Variants in HTR2C observed in about 807,000 individuals in gnomAD.
HTR2C encodes the protein 5-hydroxytryptamine receptor 2C.
In HTR2C, 5 loss-of-function variants were observed where a neutral mutation model predicts 21.0. The observed-to-expected ratio is 0.24, with a 90% CI of 0.12 to 0.50. The LOEUF is 0.50. Ranked by LOEUF, HTR2C falls within the 20% of genes least tolerant of loss-of-function variation. HTR2C has a pLI of 0.98. For missense variants in HTR2C, 271 were observed against 371.2 expected (o/e 0.73, Z 2.22); for synonymous variants, 150 against 145.3 (o/e 1.03, Z -0.23).
chrX:114,766,118 G>T (rs2069945520), intron 4 of HTR2C, among the ~76,000 whole-genome samples: 1 of 111,640 alleles, frequency 9.0e-6, no homozygotes, highest in Non-Finnish European at 1.9e-5. Flanking sequence ...AAGAATTTGT[G>T]CCTGGAATAA....
rs73638449 is a variant in HTR2C, at chrX:114,631,814, C to T, written c.-80+17933C>T. Among the ~76,000 whole-genome samples the T allele has an allele frequency of 2.7e-5, 3 of 110,655 alleles. No homozygotes were observed. In the East Asian group the frequency reaches 8.6e-4, roughly 32 times the overall value. ...GCTCATTCCTGGCCCCCTTTTTGTC[C>T]ATCATGACACCTTCAAATACTCAAG... On this transcript the variant is annotated intron_variant, in intron 2 of 5. Transcript: ENST00000276198.
Position 114,681,124 on chromosome X carries a change from G to T in HTR2C, c.-79-45734G>T, listed in dbSNP as rs192452589. Among the ~76,000 whole-genome samples the T allele has an allele frequency of 3.2e-4, 36 of 111,209 alleles. No homozygotes were observed. The East Asian group carries it at 6.6e-3, about 20-fold the overall frequency. On this transcript the variant is annotated intron_variant, in intron 2 of 5. Transcript: ENST00000276198. ...GATTACCAGCCTTATGCTTCATCCGGAATCTTATTTCAATATTTAATACAT... is the reference window on the plus strand; with the variant it reads ...GATTACCAGCCTTATGCTTCATCCGTAATCTTATTTCAATATTTAATACAT...
At chrX:114,893,781 A>G (rs1382665396) in intron 5 of HTR2C, among the ~76,000 whole-genome samples, 7 of 112,234 alleles carry the variant, frequency 6.2e-5, no homozygotes, top group Non-Finnish European at 1.3e-4. Context: ...CTCAGAGAAA[A>G]TATAGGCAAG....
chrX:114,810,303 T>G (rs947890007), intron 4 of HTR2C, among the ~76,000 whole-genome samples: 1 of 111,473 alleles, frequency 9.0e-6, no homozygotes, highest in African/African-American at 3.3e-5. Flanking sequence ...CTAGGTCTCA[T>G]GCACCCCAAG....
chrX:114,726,166 G>T (rs1933462244), intron 2 of HTR2C, among the ~76,000 whole-genome samples: 1 of 112,403 alleles, frequency 8.9e-6, no homozygotes, highest in Non-Finnish European at 1.9e-5. Context: ...CAATCAGTGA[G>T]ACTCCGTGGG....
At chrX:114,724,421 G>C (rs782209848) in intron 2 of HTR2C, among the ~76,000 whole-genome samples, 2 of 102,695 alleles carry the variant, frequency 1.9e-5, no homozygotes, top group South Asian at 1.0e-3. Flanking sequence ...CTGCACGTGA[G>C]ATGGGTTTCC....
intron 4 of HTR2C, among the ~76,000 whole-genome samples, chrX:114,806,779 C>CCATATATAT (rs1569495971): frequency 5.8e-5 from 5 of 86,719 alleles, no homozygotes; most frequent in Admixed American, 1.3e-4. Context: ...CATATATATA[C>CCATATATAT]ACACCATATA....
At chrX:114,807,135 A>ATG (rs1556450590) in intron 4 of HTR2C, among the ~76,000 whole-genome samples, 868 of 12,024 alleles carry the variant, frequency 0.072, 376 homozygotes, top group Admixed American at 0.16. Flanking sequence ...TATACACCAT[A>ATG]TATATACCAT....
Position 114,907,869 on chromosome X carries a change from AC to A in HTR2C, c.*455del. ...TGGGTTAACAGTAAATATACACTTT[AC>A]ATTCTTGCTCTGCTCATCTACACAT... On this transcript the variant is annotated 3_prime_UTR_variant, in exon 6 of 6. Coordinates refer to ENST00000276198, the MANE Select transcript of HTR2C (RefSeq NM_000868.4). The A allele has an allele frequency of 5.8e-4, 71 of 121,851 alleles. No homozygotes were observed. Among genetic ancestry groups the A allele is most frequent in the South Asian group, 2.4e-3 (8 of 3,371 alleles). The allele number at this position is 121,851 out of a possible 1,213,427, so 10.0% of individuals were successfully genotyped here.
chrX:114,769,051 AT>A (rs1240708206), intron 4 of HTR2C, among the ~76,000 whole-genome samples: 21 of 111,175 alleles, frequency 1.9e-4, no homozygotes, highest in African/African-American at 6.5e-4. Flanking sequence ...AAAGCAGTTA[AT>A]TTAACAGTAC....
intron 2 of HTR2C, among the ~76,000 whole-genome samples, chrX:114,722,947 G>A (rs1327089610): frequency 6.3e-5 from 7 of 110,898 alleles, no homozygotes; most frequent in East Asian, 2.9e-4. Context: ...TTGCATCAAT[G>A]TTCATCAAGG....
chrX:114,821,507 T>C (rs1329052841), intron 4 of HTR2C, among the ~76,000 whole-genome samples: 1 of 111,680 alleles, frequency 9.0e-6, no homozygotes, highest in African/African-American at 3.3e-5. Flanking sequence ...TGGCTTAAAA[T>C]ATATTGTAGA....
intron 2 of HTR2C, among the ~76,000 whole-genome samples, chrX:114,616,631 C>A (rs1317646008): frequency 8.9e-6 from 1 of 111,831 alleles, no homozygotes; most frequent in Non-Finnish European, 1.9e-5. Flanking sequence ...AAATTTGTCT[C>A]CACTATCATT....
chrX:114,752,527 G>A (rs782000336), intron 4 of HTR2C, among the ~76,000 whole-genome samples: 3 of 111,238 alleles, frequency 2.7e-5, no homozygotes, highest in Admixed American at 9.6e-5. Flanking sequence ...TAATTGATTA[G>A]TGCAATTCAC....
intron 4 of HTR2C, among the ~76,000 whole-genome samples, chrX:114,761,873 C>CTA (rs1168476168): frequency 1.3e-4 from 2 of 15,666 alleles, no homozygotes; most frequent in African/African-American, 2.5e-4. Context: ...CTCTCTCTCT[C>CTA]TATATATATA....
intron 5 of HTR2C, among the ~76,000 whole-genome samples, chrX:114,896,597 T>C (rs782230054): frequency 1.8e-5 from 2 of 112,410 alleles, no homozygotes; most frequent in East Asian, 5.6e-4. Flanking sequence ...GAATACCCAC[T>C]TTCATCTCTG....
At chrX:114,726,376 G>A (rs781807636) in intron 2 of HTR2C, among the ~76,000 whole-genome samples, 8 of 112,007 alleles carry the variant, frequency 7.1e-5, no homozygotes, top group African/African-American at 1.3e-4. Flanking sequence ...GCTTCGGCTC[G>A]CGCACGGTGC....
intron 1 of HTR2C, among the ~76,000 whole-genome samples, chrX:114,610,389 A>T (rs1409755605): frequency 2.7e-5 from 3 of 112,153 alleles, no homozygotes; most frequent in Non-Finnish European, 5.6e-5. Context: ...CATCATTTTG[A>T]ATTGAAGCTA....
rs782589800 is a variant in HTR2C, at chrX:114,808,056, A to C, written c.350-39947A>C. ...TGCTGTCAAATACTAGATCTTACTCATTCTTCCTAACTATATTATTGAAAC... is the reference window on the plus strand; with the variant it reads ...TGCTGTCAAATACTAGATCTTACTCCTTCTTCCTAACTATATTATTGAAAC... On this transcript the variant is annotated intron_variant, in intron 4 of 5. Transcript: ENST00000276198. 4.5e-5 allele frequency among the ~76,000 whole-genome samples: 5 copies of C among 110,535 alleles called. No individual in the cohort carries two copies. In the East Asian group the frequency reaches 1.4e-3, roughly 31 times the overall value.
Sources: allele counts gnomAD v4.1 joint callset (sites outside exome capture counted in the v4.1 genomes callset), GRCh38; gene constraint gnomAD v4.1.1; transcripts MANE v1.5; gene names NCBI Gene and HGNC (gene_info 2026-07-23, HGNC 2026-07-21).